UGT2B11: variants seen among roughly 807,000 people sequenced by gnomAD.
UGT2B11 encodes UDP-glucuronosyltransferase 2B11.
Under a neutral mutation model 51.7 loss-of-function variants are expected in UGT2B11, and 49 were observed. That is an observed-to-expected ratio of 0.95 (90% confidence interval 0.75 to 1.20). UGT2B11 has a LOEUF of 1.20. Ranked by LOEUF, UGT2B11 falls within the 50% of genes most tolerant of loss-of-function variation. The probability of loss-of-function intolerance (pLI) is 0.00; values close to 1 mark genes in which losing one functional copy is unlikely to be tolerated. For synonymous variants in UGT2B11, 273 were observed against 209.0 expected (o/e 1.31, Z -2.64); for missense variants, 810 against 622.1 (o/e 1.30, Z -3.21).
intron 2 of UGT2B11, among the ~76,000 whole-genome samples, chr4:69,210,560 C>T (rs1303121582): frequency 6.6e-6 from 1 of 151,518 alleles, no homozygotes; most frequent in African/African-American, 2.4e-5. Context: ...TAGTAATTAC[C>T]ACTATTGTAC....
upstream of UGT2B11, among the ~76,000 whole-genome samples, chr4:69,219,024 A>C (rs1283798246): frequency 6.6e-6 from 1 of 152,106 alleles, no homozygotes; most frequent in East Asian, 1.9e-4. Context: ...GTAGAGAACC[A>C]GCTGTAGTAT....
chr4:69,215,924 A>G (rs1577968709), upstream of UGT2B11: 1 of 152,076 alleles, frequency 6.6e-6, no homozygotes, highest in Non-Finnish European at 1.5e-5. Flanking sequence ...CTTCACTGTA[A>G]AACTAATCTC....
At chr4:69,202,175 T>C (rs1163254556) in intron 5 of UGT2B11, among the ~76,000 whole-genome samples, 1 of 151,808 alleles carries the variant, frequency 6.6e-6, no homozygotes, top group Non-Finnish European at 1.5e-5. Flanking sequence ...CTTCATTTTA[T>C]GATGAATAGA....
At chr4:69,216,134 C>T (rs969812142), upstream of UGT2B11, 2 of 151,916 alleles carry the variant, frequency 1.3e-5, no homozygotes, top group African/African-American at 4.8e-5. Context: ...AAATGTATAA[C>T]AAATGTTTAA....
At chr4:69,202,524 A>T (rs1015135649) in intron 5 of UGT2B11, among the ~76,000 whole-genome samples, 1 of 151,692 alleles carries the variant, frequency 6.6e-6, no homozygotes, top group Non-Finnish European at 1.5e-5. Flanking sequence ...CTTCAAGGAA[A>T]GATTAAATAT....
the UGT2B11 span, among the ~76,000 whole-genome samples, chr4:69,220,155 A>G: frequency 1.1e-4 from 17 of 152,306 alleles, no homozygotes; most frequent in African/African-American, 2.4e-4. Context: ...AGGTAAGGCA[A>G]TAAAATCCAG....
At chr4:69,223,996 A>G in the UGT2B11 span, among the ~76,000 whole-genome samples, 1 of 152,132 alleles carries the variant, frequency 6.6e-6, no homozygotes, top group Non-Finnish European at 1.5e-5. Context: ...ATAATTACAG[A>G]CCTATCTTTA....
the UGT2B11 span, among the ~76,000 whole-genome samples, chr4:69,224,753 A>G: frequency 1.3e-4 from 1 of 7,634 alleles, no homozygotes; most frequent in Non-Finnish European, 1.5e-3. Flanking sequence ...CAACCGAGAG[A>G]AAAAAAAAAA....
intron 2 of UGT2B11, among the ~76,000 whole-genome samples, chr4:69,209,007 A>T (rs148265496): frequency 0.056 from 8,427 of 151,578 alleles, 156 homozygotes; most frequent in South Asian, 0.11. Flanking sequence ...ATCTACATTT[A>T]TGTTCCTCTA....
chr4:69,207,886 G>T (rs1257165138), intron 3 of UGT2B11, among the ~76,000 whole-genome samples: 20 of 151,578 alleles, frequency 1.3e-4, no homozygotes, highest in Admixed American at 1.3e-3. Flanking sequence ...TGAAGAAAAT[G>T]ATCATAAGTC....
intron 3 of UGT2B11, among the ~76,000 whole-genome samples, chr4:69,206,670 A>T (rs1334062272): frequency 6.6e-6 from 1 of 151,652 alleles, no homozygotes; most frequent in Non-Finnish European, 1.5e-5. Flanking sequence ...AAATAAAAAT[A>T]TTACAAAAAA....
chr4:69,209,889 AT>A (rs1289561661), intron 2 of UGT2B11, among the ~76,000 whole-genome samples: 1 of 151,684 alleles, frequency 6.6e-6, no homozygotes, highest in Non-Finnish European at 1.5e-5. Flanking sequence ...TATTATAAAA[AT>A]AATACAAAAT....
At chr4:69,206,099 T>C (rs4485863) in intron 3 of UGT2B11, among the ~76,000 whole-genome samples, 113,459 of 151,172 alleles carry the variant, frequency 0.75, 43,020 homozygotes, top group Non-Finnish European at 0.79. Flanking sequence ...AAAAATACCA[T>C]GAAACCCAGC....
intron 4 of UGT2B11, among the ~76,000 whole-genome samples, 169 bp from the exon 5 acceptor site, chr4:69,204,818 A>T (rs1039725107): frequency 4.0e-5 from 6 of 151,746 alleles, no homozygotes; most frequent in African/African-American, 1.4e-4. Context: ...TGTAACTGAA[A>T]GCTATGTGGT....
At chr4:69,208,817 T>C (rs1230687119) in intron 2 of UGT2B11, among the ~76,000 whole-genome samples, 1 of 151,628 alleles carries the variant, frequency 6.6e-6, no homozygotes, top group African/African-American at 2.4e-5. Context: ...TAATTACTAA[T>C]ATAAGTTCTT....
At chr4:69,218,660 C>T (rs1300751033), upstream of UGT2B11, among the ~76,000 whole-genome samples, 2 of 152,054 alleles carry the variant, frequency 1.3e-5, no homozygotes, top group African/African-American at 2.4e-5. Flanking sequence ...AGAAGGTTCT[C>T]GGATTCCACA....
chr4:69,200,385 A>AT lies in UGT2B11; in HGVS notation c.*54dup. The AT allele has an allele frequency of 7.0e-7, 1 of 1,431,230 alleles. No individual in the cohort carries two copies. Among genetic ancestry groups the AT allele is most frequent in the Non-Finnish European group, 9.2e-7 (1 of 1,086,112 alleles). The allele number at this position is 1,431,230 out of a possible 1,614,324, so 88.7% of individuals were successfully genotyped here. On this transcript the variant is annotated 3_prime_UTR_variant, in exon 6 of 6. Transcript: ENST00000446444. Reference sequence around the variant, plus strand: ...TAACAATCTTTTCTTTCTTGCTGGAATAAACTGAAGTTGTCCTATCTATCT... The same window carrying AT: ...TAACAATCTTTTCTTTCTTGCTGGAATTAAACTGAAGTTGTCCTATCTATCT...
chr4:69,210,824 G>A (rs532147015), intron 2 of UGT2B11, among the ~76,000 whole-genome samples: 50 of 151,666 alleles, frequency 3.3e-4, no homozygotes, highest in African/African-American at 1.1e-3. Flanking sequence ...AAGCAAAAAC[G>A]TTCTTTTAAG....
chr4:69,206,633 A>G (rs990003332), intron 3 of UGT2B11, among the ~76,000 whole-genome samples: 1 of 151,718 alleles, frequency 6.6e-6, no homozygotes, highest in Non-Finnish European at 1.5e-5. Context: ...AAAGTTAAAA[A>G]TAAAAGTTAA....
Sources: allele counts gnomAD v4.1 joint callset (sites outside exome capture counted in the v4.1 genomes callset), GRCh38; gene constraint gnomAD v4.1.1; transcripts MANE v1.5; gene names NCBI Gene and HGNC (gene_info 2026-07-23, HGNC 2026-07-21).